The following CACNA2D3 variants were observed in gnomAD, a reference collection of about 807,000 sequenced individuals.
CACNA2D3 encodes the protein calcium voltage-gated channel auxiliary subunit alpha2delta 3.
Under a neutral mutation model 160.6 loss-of-function variants are expected in CACNA2D3, and 60 were observed. That is an observed-to-expected ratio of 0.37 (90% CI 0.30 to 0.46). CACNA2D3 has a LOEUF of 0.46. CACNA2D3 is among the 20% of genes least tolerant of loss of function. CACNA2D3 has a pLI of 1.00. For synonymous variants in CACNA2D3, 558 were observed against 492.9 expected, an observed-to-expected ratio of 1.13 and a Z score of -1.75; for missense variants, 1,205 against 1,365.0, an observed-to-expected ratio of 0.88 and a Z score of 1.85.
At chr3:54,830,993 T>C (rs1395119236) in intron 14 of CACNA2D3, among the ~76,000 whole-genome samples, 3 of 152,196 alleles carry the variant, frequency 2.0e-5, no homozygotes, top group Non-Finnish European at 4.4e-5. Context: ...ATTTATGTAT[T>C]ATAGTATTAT....
chr3:54,157,838 A>AC (rs1700273050), intron 2 of CACNA2D3, among the ~76,000 whole-genome samples: 1 of 38,072 alleles, frequency 2.6e-5, no homozygotes, highest in Admixed American at 2.6e-4. Context: ...AACCAAACAA[A>AC]AAAAAAAAAA....
intron 2 of CACNA2D3, among the ~76,000 whole-genome samples, chr3:54,178,821 G>T (rs1029728998): frequency 2.6e-5 from 4 of 152,194 alleles, no homozygotes; most frequent in Admixed American, 1.3e-4. Flanking sequence ...CAGGGCTTTT[G>T]GTTCTGGGCT....
chr3:54,403,395 A>ACACACG (rs1553649688), intron 4 of CACNA2D3, among the ~76,000 whole-genome samples: 9 of 140,138 alleles, frequency 6.4e-5, no homozygotes, highest in African/African-American at 1.8e-4. Context: ...ACACACACAC[A>ACACACG]CACGCACACA....
chr3:54,975,515 G>T (rs187671892), intron 29 of CACNA2D3, among the ~76,000 whole-genome samples: 8 of 123,228 alleles, frequency 6.5e-5, no homozygotes, highest in African/African-American at 2.7e-4. Flanking sequence ...AGTGAGACTT[G>T]GTCTCCAAAA....
At chr3:54,242,273 C>CA (rs60089020) in intron 2 of CACNA2D3, among the ~76,000 whole-genome samples, 95,297 of 151,368 alleles carry the variant, frequency 0.63, 30,144 homozygotes, top group Middle Eastern at 0.69. Context: ...ATACAAAAAA[C>CA]AAAAACAAAC....
At chr3:54,436,545 T>G (rs180896988) in intron 4 of CACNA2D3, among the ~76,000 whole-genome samples, 86 of 152,254 alleles carry the variant, frequency 5.6e-4, no homozygotes, top group South Asian at 1.7e-3. Context: ...CCATCAATGA[T>G]AGACTGGCTA....
At chr3:54,520,746 A>G (rs1216714605) in intron 5 of CACNA2D3, among the ~76,000 whole-genome samples, 2 of 152,050 alleles carry the variant, frequency 1.3e-5, no homozygotes, top group South Asian at 2.1e-4. Flanking sequence ...GAAACCCTGT[A>G]CTCTTTGGCT....
At chr3:54,707,021 C>T (rs1412433647) in intron 11 of CACNA2D3, among the ~76,000 whole-genome samples, 1 of 152,202 alleles carries the variant, frequency 6.6e-6, no homozygotes, top group Non-Finnish European at 1.5e-5. Context: ...CAAGTTATTT[C>T]TCTTACAAAG....
chr3:54,452,597 A>G (rs954146668), intron 4 of CACNA2D3, among the ~76,000 whole-genome samples: 1 of 152,082 alleles, frequency 6.6e-6, no homozygotes, highest in Non-Finnish European at 1.5e-5. Context: ...CCATTACCCA[A>G]TCCAAAGCCA....
In CACNA2D3 at chr3:54,170,849, A is replaced by G. The variant is rs746498776; in HGVS notation, c.204+47255A>G. On this transcript the variant is annotated intron_variant, in intron 2 of 37. Transcript: ENST00000474759. Reference sequence around the variant, plus strand: ...GATGAGTAGATTTTATTATTTTGCCATGCCAATAGATTCCAGTCATTCTCT... The same window carrying G: ...GATGAGTAGATTTTATTATTTTGCCGTGCCAATAGATTCCAGTCATTCTCT... 1.9e-4 allele frequency among the ~76,000 whole-genome samples: 29 copies of G among 152,310 alleles called. 1 individual carries two copies. The South Asian group carries it at 5.4e-3, about 28-fold the overall frequency.
intron 35 of CACNA2D3, among the ~76,000 whole-genome samples, chr3:55,036,839 T>A (rs1477515101): frequency 3.3e-5 from 5 of 152,330 alleles, no homozygotes; most frequent in South Asian, 2.1e-4. Context: ...TACCATTTTT[T>A]AAATTCTTTT....
chr3:54,446,770 A>C (rs968349738), intron 4 of CACNA2D3, among the ~76,000 whole-genome samples: 8 of 152,058 alleles, frequency 5.3e-5, no homozygotes, highest in Non-Finnish European at 1.2e-4. Context: ...CTGGCAGTGC[A>C]CGATATCTGA....
chr3:54,178,431 G>A (rs2107319861), intron 2 of CACNA2D3, among the ~76,000 whole-genome samples: 1 of 152,286 alleles, frequency 6.6e-6, no homozygotes. Context: ...GAAGAGAGAA[G>A]CCAGCATTTG....
At chr3:54,784,425 C>T (rs1050711554) in intron 13 of CACNA2D3, among the ~76,000 whole-genome samples, 6 of 152,006 alleles carry the variant, frequency 3.9e-5, no homozygotes, top group Admixed American at 6.6e-5. Flanking sequence ...AAGGAGAAGC[C>T]GTGACATTGT....
At chr3:54,481,439 C>T (rs1179430380) in intron 4 of CACNA2D3, among the ~76,000 whole-genome samples, 2 of 152,146 alleles carry the variant, frequency 1.3e-5, no homozygotes, top group Non-Finnish European at 2.9e-5. Context: ...CACAATGGCC[C>T]TGGAATTTGG....
At chr3:55,028,634 T>C (rs1324073929) in intron 35 of CACNA2D3, among the ~76,000 whole-genome samples, 1 of 152,188 alleles carries the variant, frequency 6.6e-6, no homozygotes, top group African/African-American at 2.4e-5. Context: ...GCAAAATAAA[T>C]AGTTAGAACC....
At chr3:54,672,583 A>G (rs893888782) in intron 11 of CACNA2D3, among the ~76,000 whole-genome samples, 6 of 152,328 alleles carry the variant, frequency 3.9e-5, no homozygotes, top group Admixed American at 1.3e-4. Flanking sequence ...AGTATGTGCT[A>G]TTGTGGACCT....
intron 2 of CACNA2D3, among the ~76,000 whole-genome samples, chr3:54,279,725 G>C (rs1702827285): frequency 6.6e-6 from 1 of 152,142 alleles, no homozygotes. Context: ...ACCATTTCGA[G>C]TTCTAGCATC....
chr3:54,332,572 T>A (rs1704289811), intron 3 of CACNA2D3, among the ~76,000 whole-genome samples: 1 of 152,204 alleles, frequency 6.6e-6, no homozygotes, highest in Admixed American at 6.5e-5. Flanking sequence ...TAACCACAGC[T>A]GAGAATTGGA....
Sources: allele counts gnomAD v4.1 joint callset (sites outside exome capture counted in the v4.1 genomes callset), GRCh38; gene constraint gnomAD v4.1.1; transcripts MANE v1.5; gene names NCBI Gene and HGNC (gene_info 2026-07-23, HGNC 2026-07-21).